The following GRM5 variants were observed in gnomAD, a reference collection of about 807,000 sequenced individuals.
GRM5 encodes glutamate metabotropic receptor 5, also known as metabotropic glutamate receptor 5.
In GRM5, 19 loss-of-function variants were observed where a neutral mutation model predicts 83.1. That is an observed-to-expected ratio of 0.23 (90% confidence interval 0.16 to 0.34). The LOEUF is 0.34. Ranked by LOEUF, GRM5 falls within the 10% of genes least tolerant of loss-of-function variation. The pLI, the probability that GRM5 is intolerant of heterozygous loss-of-function variation, is 1.00. For synonymous variants in GRM5, 675 were observed against 633.6 expected (o/e 1.07, Z -0.98); for missense variants, 1,160 against 1,588.3 (o/e 0.73, Z 4.58).
intron 1 of GRM5, among the ~76,000 whole-genome samples, chr11:89,051,276 T>C (rs1300322111): frequency 6.7e-6 from 1 of 148,202 alleles, no homozygotes; most frequent in African/African-American, 2.5e-5. Context: ...AAGAAAAATA[T>C]ACAGAAGAAT....
At chr11:88,909,555 C>CAT (rs1945459780) in intron 2 of GRM5, among the ~76,000 whole-genome samples, 1 of 150,670 alleles carries the variant, frequency 6.6e-6, no homozygotes, top group Admixed American at 6.7e-5. Flanking sequence ...TACACACACA[C>CAT]ACACACACAC....
Position 88,608,990 on chromosome 11 carries a change from T to A in GRM5, c.1148-4026A>T, listed in dbSNP as rs966848733. On this transcript the variant is annotated intron_variant, in intron 4 of 9. Transcript: ENST00000305447. ...CCTACACTAATACTAGTCCTAACCATTTTCTTCCTCTTACTTTTATTTAGG... is the reference window on the plus strand; with the variant it reads ...CCTACACTAATACTAGTCCTAACCAATTTCTTCCTCTTACTTTTATTTAGG... Among the ~76,000 whole-genome samples, 5 of 152,136 alleles carry A rather than the reference T, an allele frequency of 3.3e-5. No homozygotes were observed. In the South Asian group the frequency reaches 1.0e-3, roughly 32 times the overall value.
intron 3 of GRM5, among the ~76,000 whole-genome samples, chr11:88,826,462 T>C (rs895632547): frequency 2.8e-4 from 43 of 151,394 alleles, no homozygotes; most frequent in African/African-American, 1.0e-3. Flanking sequence ...ATAATTATTT[T>C]ATTTATTTAT....
intron 1 of GRM5, among the ~76,000 whole-genome samples, chr11:89,059,927 T>C (rs960433882): frequency 2.0e-5 from 3 of 152,128 alleles, no homozygotes; most frequent in Non-Finnish European, 4.4e-5. Context: ...CTCCATGCCA[T>C]GTACTGCTAT....
Position 88,505,631 on chromosome 11 carries a change from GC to G in GRM5, c.*2960del, listed in dbSNP as rs1377207145. 6.6e-6 allele frequency: 1 copy of G among 152,272 alleles called. No individual in the cohort carries two copies. Among genetic ancestry groups the G allele is most frequent in the Non-Finnish European group, 1.5e-5 (1 of 68,016 alleles). The allele number at this position is 152,272 out of a possible 1,614,324, so 9.4% of individuals were successfully genotyped here. ...AATCCAGATATGTTCTTCTTAGGCT[GC>G]CCCCACTCCTTTCCCAAAATGGAAG... On this transcript the variant is annotated 3_prime_UTR_variant, in exon 10 of 10. Coordinates refer to ENST00000305447, the MANE Select transcript of GRM5 (RefSeq NM_001143831.3).
intron 4 of GRM5, among the ~76,000 whole-genome samples, chr11:88,651,239 AC>A (rs777153054): frequency 2.6e-5 from 4 of 152,078 alleles, no homozygotes; most frequent in Non-Finnish European, 5.9e-5. Flanking sequence ...AGTCAGAGAA[AC>A]AAATAACTAT....
chr11:88,795,549 AT>A (rs1183852812), intron 3 of GRM5, among the ~76,000 whole-genome samples: 2 of 152,210 alleles, frequency 1.3e-5, no homozygotes, highest in African/African-American at 4.8e-5. Context: ...GAAATAACTA[AT>A]TACTGTTAAT....
intron 3 of GRM5, among the ~76,000 whole-genome samples, chr11:88,752,760 C>A (rs1237583656): frequency 6.6e-6 from 1 of 152,120 alleles, no homozygotes; most frequent in Admixed American, 6.6e-5. Context: ...AGAACAGACA[C>A]ATAAACCAAT....
chr11:88,669,455 T>C, intron 3 of GRM5, among the ~76,000 whole-genome samples: 1 of 152,070 alleles, frequency 6.6e-6, no homozygotes, highest in Non-Finnish European at 1.5e-5. Context: ...CAATATTTTA[T>C]TGAAGGTTCT....
At chr11:89,060,745 T>A (rs560396082) in intron 1 of GRM5, among the ~76,000 whole-genome samples, 1 of 152,152 alleles carries the variant, frequency 6.6e-6, no homozygotes, top group African/African-American at 2.4e-5. Context: ...TATGCCTTAA[T>A]GTTTTTTAGA....
intron 2 of GRM5, among the ~76,000 whole-genome samples, chr11:88,853,933 G>A (rs1344328310): frequency 2.0e-5 from 3 of 151,278 alleles, no homozygotes; most frequent in South Asian, 4.2e-4. Context: ...ATTATCATAT[G>A]ATAATCACCC....
chr11:89,046,689 T>C (rs1941649037), intron 2 of GRM5, among the ~76,000 whole-genome samples: 3 of 152,222 alleles, frequency 2.0e-5, no homozygotes, highest in African/African-American at 7.2e-5. Context: ...CATTTTGGAT[T>C]TGACCATGAA....
rs921368572 is a variant in GRM5, at chr11:89,023,692, TA to T, written c.661+23519del. 2.0e-4 allele frequency among the ~76,000 whole-genome samples: 30 copies of T among 149,220 alleles called. 2 individuals are homozygous for T. Among genetic ancestry groups the T allele is most frequent in the African/African-American group, 5.4e-4 (22 of 40,582 alleles). ...AACCCCGTCTCTACTAAAAATAAAT[TA>T]AAAAAAAATATTCAGGCATAGTGGC... On this transcript the variant is annotated intron_variant, in intron 2 of 9. Coordinates refer to ENST00000305447, the MANE Select transcript of GRM5 (RefSeq NM_001143831.3).
chr11:89,033,852 T>A (rs995791276), intron 2 of GRM5, among the ~76,000 whole-genome samples: 1 of 151,646 alleles, frequency 6.6e-6, no homozygotes, highest in Non-Finnish European at 1.5e-5. Flanking sequence ...AGTAAAAAGC[T>A]AAGACTCAGA....
chr11:88,907,066 A>C (rs2135601779), intron 2 of GRM5, among the ~76,000 whole-genome samples: 1 of 152,088 alleles, frequency 6.6e-6, no homozygotes, highest in Non-Finnish European at 1.5e-5. Context: ...CAGATACCCA[A>C]GTTCAATTTC....
At chr11:88,688,978 A>G (rs969399852) in intron 3 of GRM5, among the ~76,000 whole-genome samples, 7 of 152,164 alleles carry the variant, frequency 4.6e-5, no homozygotes, top group African/African-American at 1.4e-4. Context: ...GCACCCATAT[A>G]AAACGGACAC....
At chr11:88,648,321 CCATAAAAAATGATGAGTTCATGT>C (rs1331255451) in intron 4 of GRM5, among the ~76,000 whole-genome samples, 6 of 147,878 alleles carry the variant, frequency 4.1e-5, no homozygotes, top group African/African-American at 1.5e-4. Flanking sequence ...TACTCTGCAG[CCATAAAAAATGATGAGTTCATGT>C]CCTTTGTAGG....
At chr11:88,861,491 G>A (rs1454015538) in intron 2 of GRM5, among the ~76,000 whole-genome samples, 1 of 151,784 alleles carries the variant, frequency 6.6e-6, no homozygotes, top group Non-Finnish European at 1.5e-5. Context: ...CTGAGACAAG[G>A]TTTCACCCCT....
chr11:89,045,039 G>A (rs975786297), intron 2 of GRM5, among the ~76,000 whole-genome samples: 1 of 152,040 alleles, frequency 6.6e-6, no homozygotes, highest in African/African-American at 2.4e-5. Context: ...ACTTGCTTGG[G>A]ATCAAAGCAA....
Sources: allele counts gnomAD v4.1 joint callset (sites outside exome capture counted in the v4.1 genomes callset), GRCh38; gene constraint gnomAD v4.1.1; transcripts MANE v1.5; gene names NCBI Gene and HGNC (gene_info 2026-07-23, HGNC 2026-07-21).